Variants in PSEN2 observed in about 807,000 individuals in gnomAD.
The protein encoded by PSEN2 is presenilin-2.
Under a neutral mutation model 49.1 loss-of-function variants are expected in PSEN2, and 32 were observed. The ratio of observed to expected loss-of-function variants is 0.65; its 90% CI spans 0.49 to 0.88. The LOEUF (loss-of-function observed/expected upper bound fraction) is 0.88, where lower values mean the gene tolerates loss of function less well. Among genes scored for constraint, PSEN2 ranks in the 40% least tolerant of loss-of-function variants. PSEN2 has a pLI of 0.00. For synonymous variants in PSEN2, 255 were observed against 244.0 expected (o/e 1.05, Z -0.42); for missense variants, 522 against 586.9 (o/e 0.89, Z 1.14).
rs748504448 is a variant in PSEN2 at position 226,881,990 on chromosome 1, C to T, written c.83C>T (p.Pro28Leu). Reference protein sequence around the residue: ...TSLMSAESPTPRSCQEGRQGP... With the variant: ...TSLMSAESPTLRSCQEGRQGP... The stretch of plus-strand genomic sequence containing the variant: ...CTAATGTCGGCTGAGAGCCCCACGC[C>T]GCGCTCCTGCCAGGAGGGCAGGCAG... The change falls in exon 4 of 13, where the codon CCG (proline) becomes CTG (leucine). Residue 28 changes from proline to leucine, a missense_variant. Transcript: ENST00000366783. 12 of 1,613,952 alleles carry T rather than the reference C, an allele frequency of 7.4e-6. No individual in the cohort carries two copies. The highest frequency in any genetic ancestry group is 2.2e-5 in the South Asian group (2 of 91,082).
At chr1:226,883,052 A>G (rs1397591017) in intron 4 of PSEN2, among the ~76,000 whole-genome samples, 1 of 152,228 alleles carries the variant, frequency 6.6e-6, no homozygotes, top group African/African-American at 2.4e-5. Flanking sequence ...AAATTCTTAC[A>G]GATCGGTTTG....
At position 226,895,846 on chromosome 1, in the gene PSEN2, G is replaced by A. The variant is rs928630125; in HGVS notation, c.*267G>A. 1.8e-6 allele frequency: 1 copy of A among 547,260 alleles called. No homozygotes were observed. Among genetic ancestry groups the A allele is most frequent in the Non-Finnish European group, 3.3e-6 (1 of 304,850 alleles). The allele number at this position is 547,260 out of a possible 1,614,324, so 33.9% of individuals were successfully genotyped here. A position where few individuals can be genotyped will look rare whatever the true frequency, so the allele number is the denominator to read the frequency against. Reference sequence around the variant, plus strand: ...CAGATGAACTGAGAAGGTCAGATTAGGGCGGGGAGAAGAGCATCCGGCATG... The same window carrying A: ...CAGATGAACTGAGAAGGTCAGATTAAGGCGGGGAGAAGAGCATCCGGCATG... On this transcript the variant is annotated 3_prime_UTR_variant, in exon 13 of 13. Coordinates refer to ENST00000366783, the MANE Select transcript of PSEN2 (RefSeq NM_000447.3).
In PSEN2 at chr1:226,889,998, C is replaced by T. The variant is rs201666805; in HGVS notation, c.788-37C>T. 4.5e-5 allele frequency: 70 copies of T among 1,550,210 alleles called. 1 individual carries two copies. Among genetic ancestry groups the T allele is most frequent in the South Asian group, 3.1e-4 (28 of 89,756 alleles). Reference sequence around the variant, plus strand: ...GCAGGCTCTTCTTCAGGGGGCTGCCCGGGGATAGTTTGACAAGGATGTCTC... The same window carrying T: ...GCAGGCTCTTCTTCAGGGGGCTGCCTGGGGATAGTTTGACAAGGATGTCTC... On this transcript the variant is annotated intron_variant, in intron 8 of 12. Coordinates refer to ENST00000366783, the MANE Select transcript of PSEN2 (RefSeq NM_000447.3).
chr1:226,873,174 T>C (rs2102648100), intron 2 of PSEN2, among the ~76,000 whole-genome samples: 1 of 145,438 alleles, frequency 6.9e-6, no homozygotes, highest in South Asian at 2.2e-4. Context: ...CAAAACTCCA[T>C]CTCAAAAAAA....
chr1:226,901,159 C>T (rs533601934), downstream of PSEN2, among the ~76,000 whole-genome samples: 7 of 152,190 alleles, frequency 4.6e-5, no homozygotes, highest in East Asian at 1.9e-4. Flanking sequence ...CAACAGGCTA[C>T]GCACGGTGGC....
At chr1:226,898,190 G>A (rs1283030980), downstream of PSEN2, 1 of 152,226 alleles carries the variant, frequency 6.6e-6, no homozygotes, top group East Asian at 1.9e-4. Context: ...CCTGACTGCA[G>A]GTGATCCACG....
intron 3 of PSEN2, among the ~76,000 whole-genome samples, chr1:226,879,348 A>G (rs1660832420): frequency 6.6e-6 from 1 of 152,122 alleles, no homozygotes; most frequent in South Asian, 2.1e-4. Flanking sequence ...GCCTAGTCTG[A>G]GGGTACTCTG....
chr1:226,895,683 T>A lies in PSEN2; in HGVS notation c.*104T>A, dbSNP rs1415554737. 1 of 1,377,252 alleles carries A rather than the reference T, an allele frequency of 7.3e-7. No individual in the cohort carries two copies. Among genetic ancestry groups the A allele is most frequent in the East Asian group, 2.5e-5 (1 of 39,756 alleles). 85.3% of individuals were successfully genotyped at this position (1,377,252 alleles called of 1,614,324 possible). On this transcript the variant is annotated 3_prime_UTR_variant, in exon 13 of 13. Coordinates refer to ENST00000366783, the MANE Select transcript of PSEN2 (RefSeq NM_000447.3). The stretch of plus-strand genomic sequence containing the variant: ...ATATATTTTTAAGACTTTTCTTTCC[T>A]TAAAAAATAAAGTACGTGTTTACTT...
intron 2 of PSEN2, among the ~76,000 whole-genome samples, chr1:226,873,132 G>A (rs1043119600): frequency 3.3e-5 from 5 of 151,818 alleles, no homozygotes; most frequent in Non-Finnish European, 7.4e-5. Flanking sequence ...AGCCGAGATC[G>A]GGCCATGGCA....
chr1:226,891,504 C>A, intron 10 of PSEN2, 143 bp downstream of exon 10: 2 of 798,106 alleles, frequency 2.5e-6, no homozygotes, highest in Non-Finnish European at 4.1e-6. Context: ...CAGCCGGACA[C>A]ATGCGGCTTG....
chr1:226,890,793 C>T (rs1257488592), intron 9 of PSEN2: 1 of 189,252 alleles, frequency 5.3e-6, no homozygotes, highest in Non-Finnish European at 1.1e-5. Context: ...TTCTGGAGCT[C>T]TGGCGTCTGC....
chr1:226,897,673 C>T (rs1410937554), downstream of PSEN2: 2 of 155,310 alleles, frequency 1.3e-5, no homozygotes, highest in South Asian at 2.0e-4. Flanking sequence ...ACACCTGTAT[C>T]TCCCCCGTGT....
intron 12 of PSEN2, among the ~76,000 whole-genome samples, chr1:226,895,027 C>T (rs1662035391): frequency 6.6e-6 from 1 of 152,188 alleles, no homozygotes. Flanking sequence ...GCTCTGATTC[C>T]CTTGGTGCCA....
At chr1:226,900,868 G>C (rs1662293800), downstream of PSEN2, among the ~76,000 whole-genome samples, 1 of 152,164 alleles carries the variant, frequency 6.6e-6, no homozygotes, top group African/African-American at 2.4e-5. Context: ...CCCTTACCCA[G>C]TGCCAACCTT....
chr1:226,881,337 C>T (rs1165484908), intron 3 of PSEN2, among the ~76,000 whole-genome samples: 1 of 152,198 alleles, frequency 6.6e-6, no homozygotes, highest in African/African-American at 2.4e-5. Flanking sequence ...AACATTGTGC[C>T]TTCTGCCCTT....
chr1:226,888,308 C>G (rs759302420), intron 7 of PSEN2, 150 bp downstream of exon 7: 1 of 726,062 alleles, frequency 1.4e-6, no homozygotes, highest in Non-Finnish European at 2.5e-6. Context: ...GCCTCCGTCG[C>G]CCTCTCTCAT....
In PSEN2 at chr1:226,881,900, G is replaced by T; in HGVS notation, c.-8G>T. The T allele has an allele frequency of 6.2e-7, 1 of 1,614,196 alleles. No individual in the cohort carries two copies. The highest frequency in any genetic ancestry group is 1.3e-5 in the African/African-American group (1 of 75,052). On this transcript the variant is annotated 5_prime_UTR_variant, in exon 4 of 13. Transcript: ENST00000366783. ...CTCCTTTTTCCAGGTGCTTCCAGAG[G>T]CAGGGCTATGCTCACATTCATGGCC...
chr1:226,879,822 C>T (rs1437368236), intron 3 of PSEN2, among the ~76,000 whole-genome samples: 2 of 152,246 alleles, frequency 1.3e-5, no homozygotes, highest in South Asian at 2.1e-4. Context: ...GCTGTTGTTA[C>T]TCCTGTACTT....
chr1:226,880,793 T>C (rs542115191), intron 3 of PSEN2: 1 of 1,602,822 alleles, frequency 6.2e-7, no homozygotes, highest in South Asian at 1.1e-5. Flanking sequence ...GGGGCAGGCT[T>C]CCCTCCTGTC....
Sources: allele counts gnomAD v4.1 joint callset (sites outside exome capture counted in the v4.1 genomes callset), GRCh38; gene constraint gnomAD v4.1.1; transcripts MANE v1.5; gene names NCBI Gene and HGNC (gene_info 2026-07-23, HGNC 2026-07-21).